Variants in KCNMA1 observed in about 807,000 individuals in gnomAD.
KCNMA1 encodes potassium calcium-activated channel subfamily M alpha 1, also known as Calcium-activated potassium channel subunit alpha-1.
In KCNMA1, 29 loss-of-function variants were observed where a neutral mutation model predicts 140.0. The ratio of observed to expected loss-of-function variants is 0.21; its 90% CI spans 0.15 to 0.28. The LOEUF (loss-of-function observed/expected upper bound fraction) is 0.28. Ranked by LOEUF, KCNMA1 falls within the 10% of genes least tolerant of loss-of-function variation. KCNMA1 has a pLI of 1.00. For synonymous variants in KCNMA1, 612 were observed against 611.9 expected (o/e 1.00, Z 0.00); for missense variants, 880 against 1,602.2 (o/e 0.55, Z 7.70).
At chr10:77,449,334 G>A (rs2097583827) in intron 1 of KCNMA1, among the ~76,000 whole-genome samples, 1 of 152,122 alleles carries the variant, frequency 6.6e-6, no homozygotes, top group African/African-American at 2.4e-5. Flanking sequence ...ATTAAAAATA[G>A]TTTTGAAATG....
At chr10:77,322,493 T>C (rs1478176561) in intron 2 of KCNMA1, among the ~76,000 whole-genome samples, 1 of 152,216 alleles carries the variant, frequency 6.6e-6, no homozygotes, top group Non-Finnish European at 1.5e-5. Flanking sequence ...ACTCAAAAGT[T>C]TCCTCTCTTT....
intron 1 of KCNMA1, among the ~76,000 whole-genome samples, chr10:77,561,189 T>C (rs1330481658): frequency 2.0e-5 from 3 of 152,130 alleles, no homozygotes; most frequent in Non-Finnish European, 4.4e-5. Flanking sequence ...AAACTATTTG[T>C]CAAGCATTGT....
At chr10:77,238,327 C>T (rs781217728) in intron 3 of KCNMA1, among the ~76,000 whole-genome samples, 23 of 152,232 alleles carry the variant, frequency 1.5e-4, no homozygotes, top group South Asian at 4.2e-4. Context: ...CAGTGGGTCT[C>T]GGGTGGAATG....
intron 9 of KCNMA1, among the ~76,000 whole-genome samples, chr10:77,094,209 G>T (rs4980127): frequency 0.017 from 2,615 of 152,226 alleles, 95 homozygotes; most frequent in African/African-American, 0.059. Context: ...TGTTCTCACT[G>T]CCTGAGTCTT....
At chr10:77,255,769 C>A (rs1239547457) in intron 2 of KCNMA1, among the ~76,000 whole-genome samples, 1 of 151,810 alleles carries the variant, frequency 6.6e-6, no homozygotes, top group South Asian at 2.1e-4. Context: ...AAAAGTTAGC[C>A]AGGCATGGTG....
At chr10:77,200,404 G>A (rs1287308955) in intron 3 of KCNMA1, among the ~76,000 whole-genome samples, 1 of 152,254 alleles carries the variant, frequency 6.6e-6, no homozygotes, top group African/African-American at 2.4e-5. Context: ...AGTAACCTAT[G>A]CACATACTAA....
chr10:77,531,088 C>G (rs370911556), intron 1 of KCNMA1, among the ~76,000 whole-genome samples: 1 of 152,080 alleles, frequency 6.6e-6, no homozygotes, highest in Admixed American at 6.6e-5. Context: ...TTAGAAAAAC[C>G]GAGACTTGGG....
At chr10:77,201,863 T>C (rs901960634) in intron 3 of KCNMA1, among the ~76,000 whole-genome samples, 1 of 151,976 alleles carries the variant, frequency 6.6e-6, no homozygotes, top group Non-Finnish European at 1.5e-5. Context: ...GCAAAACATC[T>C]GTACTTGAGT....
At chr10:77,176,706 C>T (rs1273195812) in intron 5 of KCNMA1, among the ~76,000 whole-genome samples, 1 of 152,150 alleles carries the variant, frequency 6.6e-6, no homozygotes, top group Non-Finnish European at 1.5e-5. Flanking sequence ...TTACTCAACC[C>T]CTCAGAGCCT....
chr10:77,555,062 A>ACACACACACACACACACACG (rs537653183), intron 1 of KCNMA1, among the ~76,000 whole-genome samples: 6 of 152,014 alleles, frequency 3.9e-5, no homozygotes, highest in African/African-American at 1.2e-4. Context: ...CCACATACAC[A>ACACACACACACACACACACG]CACGCACGCA....
At chr10:77,361,146 ATGT>A (rs751212436) in intron 2 of KCNMA1, among the ~76,000 whole-genome samples, 36 of 152,254 alleles carry the variant, frequency 2.4e-4, no homozygotes, top group Admixed American at 5.9e-4. Context: ...TCTTGCGGGG[ATGT>A]TGTTAGAATT....
chr10:76,895,702 A>G (rs1012319221), intron 25 of KCNMA1, among the ~76,000 whole-genome samples: 5 of 152,218 alleles, frequency 3.3e-5, no homozygotes, highest in Non-Finnish European at 7.3e-5. Context: ...TGATAATTCA[A>G]TGTACATTCG....
intron 1 of KCNMA1, among the ~76,000 whole-genome samples, chr10:77,587,316 T>C (rs777320357): frequency 6.6e-6 from 1 of 152,118 alleles, no homozygotes; most frequent in Non-Finnish European, 1.5e-5. Context: ...GAATATAGGC[T>C]TATGTAAACA....
chr10:77,492,271 A>T (rs566083552), intron 1 of KCNMA1, among the ~76,000 whole-genome samples: 2 of 152,270 alleles, frequency 1.3e-5, no homozygotes, highest in East Asian at 1.9e-4. Context: ...CCCTCTGCTC[A>T]AGCTGACCTC....
Position 76,933,359 on chromosome 10 carries a change from C to T in KCNMA1, c.2902+11414G>A, listed in dbSNP as rs537226517. ...ATTTAGAAAGATTTCTGGCAGTTGG[C>T]GAGCATGAAGAGGTCAGCAAAACAA... On this transcript the variant is annotated intron_variant, in intron 23 of 27. Transcript: ENST00000286628. Among the ~76,000 whole-genome samples the T allele has an allele frequency of 1.2e-4, 19 of 152,260 alleles. No individual in the cohort carries two copies. In the East Asian group the frequency reaches 3.1e-3, roughly 25 times the overall value.
intron 19 of KCNMA1, among the ~76,000 whole-genome samples, chr10:76,974,741 T>C (rs576948212): frequency 2.6e-5 from 4 of 152,210 alleles, no homozygotes; most frequent in Non-Finnish European, 4.4e-5. Flanking sequence ...GATGACTTCC[T>C]GCAATTCTTT....
chr10:77,622,374 G>A (rs2091611407), intron 1 of KCNMA1, among the ~76,000 whole-genome samples: 1 of 152,192 alleles, frequency 6.6e-6, no homozygotes, highest in African/African-American at 2.4e-5. Context: ...TAAATGAGGT[G>A]TACAGTGTGG....
At chr10:77,160,677 T>C (rs953574468) in intron 5 of KCNMA1, among the ~76,000 whole-genome samples, 1 of 152,218 alleles carries the variant, frequency 6.6e-6, no homozygotes, top group Admixed American at 6.5e-5. Flanking sequence ...GAGATAACAA[T>C]AACATCCATC....
intron 23 of KCNMA1, among the ~76,000 whole-genome samples, chr10:76,918,545 C>T (rs149919383): frequency 6.5e-4 from 99 of 152,268 alleles, no homozygotes; most frequent in African/African-American, 2.2e-3. Context: ...TGTGATACCA[C>T]CTTATTCCTG....
Sources: allele counts gnomAD v4.1 joint callset (sites outside exome capture counted in the v4.1 genomes callset), GRCh38; gene constraint gnomAD v4.1.1; transcripts MANE v1.5; gene names NCBI Gene and HGNC (gene_info 2026-07-23, HGNC 2026-07-21).